Variants in NARS2 observed in about 807,000 individuals in gnomAD.
NARS2 encodes asparaginyl-tRNA synthetase 2, mitochondrial, also known as asparaginyl-tRNA synthetase.
Under a neutral mutation model 62.9 loss-of-function variants are expected in NARS2, and 60 were observed. The ratio of observed to expected loss-of-function variants is 0.95; its 90% confidence interval spans 0.77 to 1.18. The LOEUF is 1.18. NARS2 is among the 50% of genes most tolerant of loss of function. NARS2 has a pLI of 0.00. For synonymous variants in NARS2, 196 were observed against 200.0 expected, an observed-to-expected ratio of 0.98 and a Z score of 0.17; for missense variants, 619 against 576.4, an observed-to-expected ratio of 1.07 and a Z score of -0.76.
intron 4 of NARS2, among the ~76,000 whole-genome samples, chr11:78,564,765 G>C (rs776419761): frequency 6.6e-6 from 1 of 152,248 alleles, no homozygotes; most frequent in Non-Finnish European, 1.5e-5. Flanking sequence ...GACAGCATGT[G>C]TAACTGGACC....
At chr11:78,443,271 G>A (rs1452365051) in intron 12 of NARS2, among the ~76,000 whole-genome samples, 2 of 148,224 alleles carry the variant, frequency 1.3e-5, no homozygotes, top group Non-Finnish European at 3.0e-5. Flanking sequence ...AGCTTGCAGT[G>A]AGCCAAGATC....
rs1166724613 is a variant in NARS2 at position 78,557,256 on chromosome 11, C to T, written c.594+2283G>A. On this transcript the variant is annotated intron_variant, in intron 5 of 13. Coordinates refer to ENST00000281038, the MANE Select transcript of NARS2 (RefSeq NM_024678.6). ...GTACTTAATGACACTTCATTTCTGT[C>T]AGAGAAAAAATGTGCACCATTACGA... 3.3e-5 allele frequency among the ~76,000 whole-genome samples: 5 copies of T among 152,076 alleles called. No homozygotes were observed. In the South Asian group the frequency reaches 1.0e-3, roughly 31 times the overall value.
At chr11:78,461,406 G>C (rs1299083695) in intron 11 of NARS2, among the ~76,000 whole-genome samples, 1 of 151,782 alleles carries the variant, frequency 6.6e-6, no homozygotes, top group Non-Finnish European at 1.5e-5. Context: ...AGGGAGTAGA[G>C]GGTTATAAGA....
At chr11:78,466,076 C>G (rs930955747) in intron 10 of NARS2, 63 bp from the exon 11 acceptor site, 18 of 1,493,176 alleles carry the variant, frequency 1.2e-5, no homozygotes, top group Non-Finnish European at 1.4e-5. Context: ...AATTAAGCAG[C>G]TGAAAATAAC....
At chr11:78,494,666 T>C (rs76649186) in intron 6 of NARS2, among the ~76,000 whole-genome samples, 1,876 of 152,200 alleles carry the variant, frequency 0.012, 31 homozygotes, top group African/African-American at 0.043. Context: ...TTAGTTTTTA[T>C]TGAAAAAATA....
chr11:78,504,968 T>G (rs1379481826), intron 6 of NARS2, among the ~76,000 whole-genome samples: 2 of 152,012 alleles, frequency 1.3e-5, no homozygotes, highest in Non-Finnish European at 2.9e-5. Flanking sequence ...AGGTTGTTAG[T>G]GGGTTTCAGT....
At chr11:78,496,159 T>C (rs1860048114) in intron 6 of NARS2, among the ~76,000 whole-genome samples, 1 of 152,176 alleles carries the variant, frequency 6.6e-6, no homozygotes, top group Non-Finnish European at 1.5e-5. Context: ...CTGGAAGGTA[T>C]GTTGAAAAAT....
chr11:78,511,153 CT>C (rs1282434416), intron 6 of NARS2, among the ~76,000 whole-genome samples: 2 of 152,150 alleles, frequency 1.3e-5, no homozygotes, highest in Non-Finnish European at 2.9e-5. Flanking sequence ...TCATGGTTCA[CT>C]GCAGCCTTGA....
chr11:78,496,548 C>T (rs946441305), intron 6 of NARS2, among the ~76,000 whole-genome samples: 1 of 152,088 alleles, frequency 6.6e-6, no homozygotes, highest in African/African-American at 2.4e-5. Context: ...ATAGCCTTAA[C>T]CATGATACTA....
rs1034881768 is a variant in NARS2 at position 78,437,420 on chromosome 11, C to T, written c.1290-606G>A. On this transcript the variant is annotated intron_variant, in intron 13 of 13. Transcript: ENST00000281038. ...GCTTGAATGCTGGAGTGAGGAGAAA[C>T]CTTTAATTCTCTGCCTTAGGCCTAG... Among the ~76,000 whole-genome samples, 6 of 152,098 alleles carry T rather than the reference C, an allele frequency of 3.9e-5. 1 individual carries two copies. Among genetic ancestry groups the T allele is most frequent in the Admixed American group, 3.3e-4 (5 of 15,270 alleles).
At chr11:78,519,583 G>T (rs530674164) in intron 6 of NARS2, among the ~76,000 whole-genome samples, 1 of 152,056 alleles carries the variant, frequency 6.6e-6, no homozygotes, top group Non-Finnish European at 1.5e-5. Flanking sequence ...AAAACAGCAT[G>T]ATGTAAAGAC....
intron 5 of NARS2, among the ~76,000 whole-genome samples, chr11:78,555,646 A>G (rs1011261864): frequency 1.3e-5 from 2 of 151,994 alleles, no homozygotes; most frequent in African/African-American, 4.8e-5. Context: ...GGATTTGCTG[A>G]TATTTTGAAT....
intron 6 of NARS2, among the ~76,000 whole-genome samples, chr11:78,522,318 G>C (rs1339810375): frequency 2.0e-5 from 3 of 152,070 alleles, no homozygotes; most frequent in African/African-American, 7.2e-5. Context: ...CTCAGACAAA[G>C]AGCTTTCAGA....
At chr11:78,454,506 T>C (rs1322421435) in intron 11 of NARS2, among the ~76,000 whole-genome samples, 3 of 152,166 alleles carry the variant, frequency 2.0e-5, no homozygotes, top group Admixed American at 6.5e-5. Context: ...CTTTTTGTCA[T>C]GAGTAAAAGC....
At chr11:78,490,101 G>A (rs73504977) in intron 7 of NARS2, among the ~76,000 whole-genome samples, 4,720 of 152,066 alleles carry the variant, frequency 0.031, 225 homozygotes, top group African/African-American at 0.11. Context: ...AAATATTTAC[G>A]GCAACTTTGT....
intron 7 of NARS2, among the ~76,000 whole-genome samples, chr11:78,492,104 T>TAC (rs879866653): frequency 0.014 from 2,040 of 145,272 alleles, 23 homozygotes; most frequent in Middle Eastern, 0.027. Flanking sequence ...TATATATATA[T>TAC]ATATACAGAC....
At chr11:78,458,858 TC>T (rs1426434669) in intron 11 of NARS2, among the ~76,000 whole-genome samples, 1 of 152,160 alleles carries the variant, frequency 6.6e-6, no homozygotes, top group African/African-American at 2.4e-5. Context: ...GGGGATATTT[TC>T]CCCATACTGT....
intron 6 of NARS2, among the ~76,000 whole-genome samples, chr11:78,512,990 C>T (rs1361829708): frequency 1.3e-5 from 2 of 152,176 alleles, no homozygotes; most frequent in East Asian, 3.8e-4. Context: ...TGGCTCACAT[C>T]TGAAATCTCA....
At chr11:78,473,663 C>T (rs1858968843) in intron 9 of NARS2, among the ~76,000 whole-genome samples, 1 of 152,234 alleles carries the variant, frequency 6.6e-6, no homozygotes, top group African/African-American at 2.4e-5. Context: ...ACTGTGGCTG[C>T]AAATTCTCAA....
Sources: allele counts gnomAD v4.1 joint callset (sites outside exome capture counted in the v4.1 genomes callset), GRCh38; gene constraint gnomAD v4.1.1; transcripts MANE v1.5; gene names NCBI Gene and HGNC (gene_info 2026-07-23, HGNC 2026-07-21).